MED1: variants seen among roughly 807,000 people sequenced by gnomAD.
The protein encoded by MED1 is mediator of RNA polymerase II transcription subunit 1.
MED1 carries 17 observed loss-of-function variants against 121.3 expected under a neutral mutation model. The ratio of observed to expected loss-of-function variants is 0.14; its 90% confidence interval spans 0.10 to 0.21. The LOEUF (loss-of-function observed/expected upper bound fraction) is 0.21, where lower values mean the gene tolerates loss of function less well. Ranked by LOEUF, MED1 falls within the 10% of genes least tolerant of loss-of-function variation. MED1 has a pLI of 1.00. For missense variants in MED1, 1,558 were observed against 1,919.4 expected (o/e 0.81, Z 3.52); for synonymous variants, 661 against 694.4 (o/e 0.95, Z 0.76).
intron 8 of MED1, 57 bp from the exon 9 acceptor site, chr17:39,431,245 C>T: frequency 7.3e-7 from 1 of 1,377,868 alleles, no homozygotes; most frequent in South Asian, 1.2e-5. Context: ...TCTTGGTACA[C>T]ACTGTGATAT....
chr17:39,405,635 C>T lies in MED1; in HGVS notation c.*1840G>A. ...CCTTAGTGTCACCCAAGACATTTGA[C>T]TCTGATGTGGTTAATTGATAACTTT... On this transcript the variant is annotated 3_prime_UTR_variant, in exon 17 of 17. Coordinates refer to ENST00000300651, the MANE Select transcript of MED1 (RefSeq NM_004774.4). 9.2e-7 allele frequency: 1 copy of T among 1,082,758 alleles called. No individual in the cohort carries two copies. Among genetic ancestry groups the T allele is most frequent in the Non-Finnish European group, 1.1e-6 (1 of 891,780 alleles). 67.1% of individuals were successfully genotyped at this position (1,082,758 alleles called of 1,614,324 possible). A position where few individuals can be genotyped will look rare whatever the true frequency, so the allele number is the denominator to read the frequency against.
chr17:39,441,413 C>T (rs996023508), intron 3 of MED1, among the ~76,000 whole-genome samples: 2 of 152,174 alleles, frequency 1.3e-5, no homozygotes, highest in Non-Finnish European at 2.9e-5. Context: ...CTTAACGCTA[C>T]TGAACTATAC....
chr17:39,418,085 CAAA>C (rs760116991), intron 14 of MED1, among the ~76,000 whole-genome samples: 5 of 55,646 alleles, frequency 9.0e-5, no homozygotes, highest in African/African-American at 3.1e-4. Context: ...GACTCCGTCT[CAAA>C]AAAAAAAAAA....
intron 16 of MED1, among the ~76,000 whole-genome samples, chr17:39,411,824 C>T (rs1204568024): frequency 6.6e-6 from 1 of 151,872 alleles, no homozygotes; most frequent in East Asian, 1.9e-4. Context: ...CATAGTGAAA[C>T]CCCATCTCTA....
chr17:39,436,326 ACT>A (rs1330079133), intron 6 of MED1, among the ~76,000 whole-genome samples: 2 of 148,096 alleles, frequency 1.4e-5, no homozygotes, highest in African/African-American at 2.5e-5. Context: ...ACACCACTGC[ACT>A]CCAGCCTGGG....
chr17:39,423,826 A>G lies in MED1; in HGVS notation c.852-5T>C, dbSNP rs79186101. Reference sequence around the variant, plus strand: ...ATTGAGGAGAAGGAAGGGGTCCTTCAAAAAAAAGAGGGTGGAAGGGTTGGA... The same window carrying G: ...ATTGAGGAGAAGGAAGGGGTCCTTCGAAAAAAAGAGGGTGGAAGGGTTGGA... On this transcript the variant is annotated splice_polypyrimidine_tract_variant and splice_region_variant and intron_variant, in intron 11 of 16. Transcript: ENST00000300651. 2.5e-6 allele frequency: 4 copies of G among 1,584,284 alleles called. No individual in the cohort carries two copies. In the East Asian group the frequency reaches 9.1e-5, roughly 36 times the overall value.
intron 2 of MED1, 105 bp from the exon 3 acceptor site, chr17:39,443,733 G>A: frequency 1.2e-6 from 1 of 861,840 alleles, no homozygotes; most frequent in East Asian, 2.5e-5. Flanking sequence ...ACAGTCTATA[G>A]ACTCAATATA....
rs1254124561 is a variant in MED1 at position 39,417,576 on chromosome 17, CCGAAAT to C, written c.1297+2135_1297+2140del. ...CTCAGGAGGCAGAGCTTGCAGTGAG[CCGAAAT>C]TGCGCCACTGCACTCCAGCCTGGGC... On this transcript the variant is annotated intron_variant, in intron 14 of 16. Transcript: ENST00000300651. Among the ~76,000 whole-genome samples the C allele has an allele frequency of 2.0e-5, 3 of 149,964 alleles. No individual in the cohort carries two copies. The East Asian group carries it at 6.0e-4, about 30-fold the overall frequency.
chr17:39,441,435 AAG>A (rs2048673854), intron 3 of MED1, among the ~76,000 whole-genome samples: 1 of 152,210 alleles, frequency 6.6e-6, no homozygotes, highest in Non-Finnish European at 1.5e-5. Context: ...CTTAGAAACA[AAG>A]AAAATGGTAA....
intron 13 of MED1, 34 bp downstream of exon 13, chr17:39,423,293 C>G (rs1187950326): frequency 6.8e-7 from 1 of 1,475,108 alleles, no homozygotes; most frequent in Admixed American, 1.7e-5. Flanking sequence ...CAAACATAAC[C>G]TACAACATTC....
chr17:39,415,814 CAAAAAAAAA>C (rs61614470), intron 14 of MED1, among the ~76,000 whole-genome samples: 16 of 40,638 alleles, frequency 3.9e-4, no homozygotes, highest in Admixed American at 7.7e-4. Context: ...GACTCCATCT[CAAAAAAAAA>C]AAAAAAAAAA....
chr17:39,424,601 C>G (rs774548241), intron 11 of MED1, 26 bp downstream of exon 11: 2 of 1,457,890 alleles, frequency 1.4e-6, no homozygotes, highest in Non-Finnish European at 1.9e-6. Flanking sequence ...ATTGACTTTG[C>G]TACTCTAAAA....
Position 39,407,019 on chromosome 17 carries a change from G to C in MED1, c.*456C>G. On this transcript the variant is annotated 3_prime_UTR_variant, in exon 17 of 17. Coordinates refer to ENST00000300651, the MANE Select transcript of MED1 (RefSeq NM_004774.4). The stretch of plus-strand genomic sequence containing the variant: ...CAAACGGACAACTACCTCAAACAAA[G>C]TTGAACAACCTTCATGCAAATGCAT... 1 of 987,066 alleles carries C rather than the reference G, an allele frequency of 1.0e-6. No homozygotes were observed. Among genetic ancestry groups the C allele is most frequent in the Non-Finnish European group, 1.2e-6 (1 of 830,804 alleles). The allele number at this position is 987,066 out of a possible 1,614,324, so 61.1% of individuals were successfully genotyped here. A position where few individuals can be genotyped will look rare whatever the true frequency, so the allele number is the denominator to read the frequency against.
chr17:39,442,022 G>T, intron 3 of MED1, among the ~76,000 whole-genome samples: 1 of 144,902 alleles, frequency 6.9e-6, no homozygotes, highest in Non-Finnish European at 1.5e-5. Context: ...ACAATCACTT[G>T]AATCCGGGAA....
intron 16 of MED1, among the ~76,000 whole-genome samples, chr17:39,412,228 C>CTTTTTTTT (rs1163616624): frequency 7.6e-6 from 1 of 132,262 alleles, no homozygotes; most frequent in Non-Finnish European, 1.6e-5. Flanking sequence ...ATTTTTTTTT[C>CTTTTTTTT]TTTTTTTTTT....
At chr17:39,442,467 CG>C (rs2048686240) in intron 3 of MED1, among the ~76,000 whole-genome samples, 2 of 150,030 alleles carry the variant, frequency 1.3e-5, no homozygotes, top group African/African-American at 5.0e-5. Flanking sequence ...CGTGGTGGGA[CG>C]CGCCTGTAGT....
chr17:39,438,081 A>C (rs2048636725), intron 6 of MED1, among the ~76,000 whole-genome samples: 1 of 151,918 alleles, frequency 6.6e-6, no homozygotes, highest in Non-Finnish European at 1.5e-5. Context: ...AGGGTCCAGC[A>C]TGGTGGCTCA....
intron 1 of MED1, among the ~76,000 whole-genome samples, chr17:39,448,801 C>G (rs934932118): frequency 6.6e-6 from 1 of 151,588 alleles, no homozygotes; most frequent in Non-Finnish European, 1.5e-5. Context: ...CCCAGCTACT[C>G]GGAAGGCTGA....
chr17:39,441,220 AAT>A (rs2144766635), intron 3 of MED1, among the ~76,000 whole-genome samples: 1 of 152,318 alleles, frequency 6.6e-6, no homozygotes, highest in Non-Finnish European at 1.5e-5. Context: ...CAAAAGGACA[AAT>A]ATATGATTCC....
Sources: gnomAD v4.1 joint callset for allele counts (sites outside exome capture counted in the v4.1 genomes callset) on GRCh38, gnomAD v4.1.1 for gene constraint, MANE v1.5 for transcripts, NCBI Gene and HGNC (gene_info 2026-07-23, HGNC 2026-07-21) for gene names.